Variants in TSHZ2 observed in about 807,000 individuals in gnomAD.
TSHZ2 encodes teashirt homolog 2.
TSHZ2 carries 21 observed loss-of-function variants against 74.4 expected under a neutral mutation model. That is an observed-to-expected ratio of 0.28 (90% CI 0.20 to 0.41). The LOEUF is 0.41. Ranked by LOEUF, TSHZ2 falls within the 10% of genes least tolerant of loss-of-function variation. The pLI, the probability that TSHZ2 is intolerant of heterozygous loss-of-function variation, is 1.00. For missense variants in TSHZ2, 1,244 were observed against 1,293.5 expected (o/e 0.96, Z 0.59); for synonymous variants, 540 against 515.3 (o/e 1.05, Z -0.65).
intron 1 of TSHZ2, among the ~76,000 whole-genome samples, chr20:53,186,524 C>G (rs1193183514): frequency 6.6e-6 from 1 of 152,210 alleles, no homozygotes; most frequent in African/African-American, 2.4e-5. Context: ...GAAGAAAACT[C>G]TATATGTGCT....
chr20:53,148,219 G>T (rs1256336996), intron 1 of TSHZ2, among the ~76,000 whole-genome samples: 1 of 152,162 alleles, frequency 6.6e-6, no homozygotes, highest in African/African-American at 2.4e-5. Flanking sequence ...TTGGGGATTT[G>T]ATCTCAAATG....
intron 1 of TSHZ2, among the ~76,000 whole-genome samples, chr20:52,982,907 A>G (rs746240071): frequency 6.6e-6 from 1 of 152,174 alleles, no homozygotes; most frequent in Non-Finnish European, 1.5e-5. Context: ...CCAAAGGCCT[A>G]AGGAGGTGAT....
At chr20:53,480,716 A>AAGAC (rs1201167990) in intron 2 of TSHZ2, among the ~76,000 whole-genome samples, 1 of 152,222 alleles carries the variant, frequency 6.6e-6, no homozygotes, top group Non-Finnish European at 1.5e-5. Context: ...TAGCAACCAT[A>AAGAC]AGACATGCCC....
At chr20:53,415,721 A>AAG (rs1983221808) in intron 2 of TSHZ2, among the ~76,000 whole-genome samples, 1 of 388 alleles carries the variant, frequency 2.6e-3, no homozygotes, top group African/African-American at 9.3e-3. Flanking sequence ...CATATTATAT[A>AAG]TGTGTGTGCC....
At position 53,490,266 on chromosome 20, in the gene TSHZ2, G is replaced by A. The variant is rs1986413491; in HGVS notation, c.*3131G>A. Reference sequence around the variant, plus strand: ...CATGTTACAAGGCACTGGTGGCACAGGGCACAACAGGAAATGATATTTATT... The same window carrying A: ...CATGTTACAAGGCACTGGTGGCACAAGGCACAACAGGAAATGATATTTATT... On this transcript the variant is annotated 3_prime_UTR_variant, in exon 3 of 3. Transcript: ENST00000371497. The A allele has an allele frequency of 6.6e-6, 1 of 152,190 alleles. No individual in the cohort carries two copies. The highest frequency in any genetic ancestry group is 1.5e-5 in the Non-Finnish European group (1 of 68,034). 9.4% of individuals were successfully genotyped at this position (152,190 alleles called of 1,614,324 possible). A position where few individuals can be genotyped will look rare whatever the true frequency, so the allele number is the denominator to read the frequency against.
At chr20:53,083,883 CTG>C (rs1395280515) in intron 1 of TSHZ2, among the ~76,000 whole-genome samples, 2 of 151,956 alleles carry the variant, frequency 1.3e-5, no homozygotes, top group African/African-American at 2.4e-5. Flanking sequence ...ATTTTTTTAA[CTG>C]TAAGCATTTA....
intron 2 of TSHZ2, among the ~76,000 whole-genome samples, chr20:53,381,401 A>G (rs1981855738): frequency 6.6e-6 from 1 of 152,192 alleles, no homozygotes; most frequent in Admixed American, 6.5e-5. Flanking sequence ...TTGCATCCTG[A>G]ATCATTCATG....
At chr20:53,192,223 C>T (rs968722728) in intron 1 of TSHZ2, among the ~76,000 whole-genome samples, 3 of 150,882 alleles carry the variant, frequency 2.0e-5, no homozygotes, top group South Asian at 2.1e-4. Flanking sequence ...TAGACATCAG[C>T]GAGATGCAAG....
At chr20:53,321,019 T>A (rs1979237985) in intron 2 of TSHZ2, among the ~76,000 whole-genome samples, 1 of 152,236 alleles carries the variant, frequency 6.6e-6, no homozygotes, top group Non-Finnish European at 1.5e-5. Context: ...AAGTTACTTT[T>A]AGTGAATTTA....
At chr20:53,233,495 A>G (rs969562012) in intron 1 of TSHZ2, among the ~76,000 whole-genome samples, 5 of 152,232 alleles carry the variant, frequency 3.3e-5, no homozygotes, top group African/African-American at 1.2e-4. Context: ...ATTAAAAGAA[A>G]GAAGAGAACT....
intron 2 of TSHZ2, among the ~76,000 whole-genome samples, chr20:53,394,999 C>T (rs1441320336): frequency 2.6e-5 from 4 of 151,080 alleles, no homozygotes; most frequent in Non-Finnish European, 5.9e-5. Flanking sequence ...ATTTAAACAA[C>T]AAAGCCTAGA....
chr20:53,274,052 G>A (rs1306673744), intron 2 of TSHZ2, among the ~76,000 whole-genome samples: 10 of 152,106 alleles, frequency 6.6e-5, no homozygotes, highest in Non-Finnish European at 8.8e-5. Context: ...AGGCCAAGGC[G>A]GGCAGATCAC....
intron 1 of TSHZ2, among the ~76,000 whole-genome samples, chr20:53,222,257 G>A (rs1028181847): frequency 6.6e-6 from 1 of 152,058 alleles, no homozygotes; most frequent in Non-Finnish European, 1.5e-5. Context: ...GTACCCAAGG[G>A]TGGCATTGCT....
intron 2 of TSHZ2, among the ~76,000 whole-genome samples, chr20:53,433,915 C>T (rs1335438689): frequency 6.6e-6 from 1 of 152,162 alleles, no homozygotes; most frequent in Admixed American, 6.5e-5. Context: ...GTTGCCCAGG[C>T]TGGAGTGCAG....
chr20:53,125,556 C>T (rs1293424), intron 1 of TSHZ2, among the ~76,000 whole-genome samples: 148,795 of 152,280 alleles, frequency 0.98, 72,705 homozygotes, highest in East Asian at 1. Context: ...TGGCTTCCTA[C>T]CTCAGGCTCT....
chr20:53,384,080 G>C (rs1010879254), intron 2 of TSHZ2, among the ~76,000 whole-genome samples: 2 of 152,124 alleles, frequency 1.3e-5, no homozygotes, highest in African/African-American at 4.8e-5. Context: ...TGGTGCCCAG[G>C]GAAGGCCCCC....
chr20:53,362,114 G>A (rs6022421), intron 2 of TSHZ2, among the ~76,000 whole-genome samples: 16 of 151,778 alleles, frequency 1.1e-4, no homozygotes, highest in Non-Finnish European at 1.9e-4. Flanking sequence ...TCCACCACCC[G>A]CCTGGGCCTC....
At chr20:53,065,632 C>A (rs1363737288) in intron 1 of TSHZ2, among the ~76,000 whole-genome samples, 1 of 152,272 alleles carries the variant, frequency 6.6e-6, no homozygotes, top group East Asian at 1.9e-4. Flanking sequence ...GGGGATACCA[C>A]TTAAAGTGCA....
chr20:53,080,943 G>A (rs75880615), intron 1 of TSHZ2, among the ~76,000 whole-genome samples: 2,099 of 152,226 alleles, frequency 0.014, 60 homozygotes, highest in African/African-American at 0.048. Context: ...CACTTCTTAA[G>A]GTCCCACTGT....
Sources: gnomAD v4.1 joint callset for allele counts (sites outside exome capture counted in the v4.1 genomes callset) on GRCh38, gnomAD v4.1.1 for gene constraint, MANE v1.5 for transcripts, NCBI Gene and HGNC (gene_info 2026-07-23, HGNC 2026-07-21) for gene names.